The following ELSPBP1 variants were observed in gnomAD, a reference collection of about 807,000 sequenced individuals.
ELSPBP1 encodes the protein epididymal sperm-binding protein 1.
A neutral mutation model predicts 33.3 loss-of-function variants in ELSPBP1; 38 were observed. The observed-to-expected ratio is 1.14, with a 90% CI of 0.88 to 1.50. ELSPBP1 has a LOEUF of 1.50. Ranked by LOEUF, ELSPBP1 falls within the 40% of genes most tolerant of loss-of-function variation. ELSPBP1 has a pLI of 0.00. For synonymous variants in ELSPBP1, 85 were observed against 94.1 expected (o/e 0.90, Z 0.56); for missense variants, 267 against 263.5 (o/e 1.01, Z -0.09).
At chr19:48,006,009 G>A (rs1967013618) in intron 1 of ELSPBP1, among the ~76,000 whole-genome samples, 1 of 152,126 alleles carries the variant, frequency 6.6e-6, no homozygotes, top group Non-Finnish European at 1.5e-5. Flanking sequence ...CGCCCAGGCT[G>A]GAGTGCAGTG....
rs1967180434 is a variant in ELSPBP1, at chr19:48,019,828, C to G, written c.465C>G (p.Thr155=). The part of the protein sequence containing the change: ...EDESNKLWCP[T]TENMDKDGKW... The stretch of plus-strand genomic sequence containing the variant: ...AAAGCAACAAGCTCTGGTGCCCAAC[C>G]ACAGAGAACATGGATAAGGATGGAA... The change falls in exon 5 of 7, where the codon ACC becomes ACG. Residue 155 remains threonine, a synonymous_variant. Coordinates refer to ENST00000339841, the MANE Select transcript of ELSPBP1 (RefSeq NM_022142.5). 1 of 1,612,062 alleles carries G rather than the reference C, an allele frequency of 6.2e-7. No individual in the cohort carries two copies. The highest frequency in any genetic ancestry group is 8.5e-7 in the Non-Finnish European group (1 of 1,178,818).
chr19:48,022,334 G>A lies in ELSPBP1; in HGVS notation c.*7G>A, dbSNP rs754644214. Reference sequence around the variant, plus strand: ...CACCTGGGTGTATTGCTGATGCTGAGGTGAGAGCAGGGACCAACAGTGGTC... The same window carrying A: ...CACCTGGGTGTATTGCTGATGCTGAAGTGAGAGCAGGGACCAACAGTGGTC... On this transcript the variant is annotated splice_region_variant and 3_prime_UTR_variant, in exon 6 of 7. Coordinates refer to ENST00000339841, the MANE Select transcript of ELSPBP1 (RefSeq NM_022142.5). 77 of 1,606,824 alleles carry A rather than the reference G, an allele frequency of 4.8e-5. No homozygotes were observed. Among genetic ancestry groups the A allele is most frequent in the Non-Finnish European group, 6.5e-5 (76 of 1,176,956 alleles).
In ELSPBP1 at chr19:48,008,596, A is replaced by G. The variant is rs1417909137; in HGVS notation, c.-17-55A>G. ...ATGTATGACGTCAAATCTAGGAGGT[A>G]ATGGGAAGAGGAAGGGGACGTGTGG... On this transcript the variant is annotated intron_variant, in intron 1 of 6. Coordinates refer to ENST00000339841, the MANE Select transcript of ELSPBP1 (RefSeq NM_022142.5). 4.8e-6 allele frequency: 6 copies of G among 1,237,416 alleles called. No individual in the cohort carries two copies. In the African/African-American group the frequency reaches 7.4e-5, roughly 15 times the overall value. 76.7% of individuals were successfully genotyped at this position (1,237,416 alleles called of 1,614,324 possible).
At chr19:48,019,554 A>G (rs1967176106) in intron 4 of ELSPBP1, among the ~76,000 whole-genome samples, 165 bp from the exon 5 acceptor site, 1 of 152,192 alleles carries the variant, frequency 6.6e-6, no homozygotes, top group South Asian at 2.1e-4. Flanking sequence ...TTTGGTTCTC[A>G]CTTATCCGTA....
At position 48,011,359 on chromosome 19, in the gene ELSPBP1, T is replaced by C. The variant is rs1967076436; in HGVS notation, c.70+2622T>C. ...ATGATGATGACAATTATGACGATGA[T>C]GATGATGATGGTGACAATGATGATG... On this transcript the variant is annotated intron_variant, in intron 2 of 6. Coordinates refer to ENST00000339841, the MANE Select transcript of ELSPBP1 (RefSeq NM_022142.5). The surrounding 1 kb of genome is among the most constrained non-coding windows in gnomAD (Gnocchi z 4.5). Among the ~76,000 whole-genome samples, 1 of 151,482 alleles carries C rather than the reference T, an allele frequency of 6.6e-6. No individual in the cohort carries two copies. The highest frequency in any genetic ancestry group is 1.5e-5 in the Non-Finnish European group (1 of 67,882).
At chr19:48,019,254 A>G (rs1246484770) in intron 4 of ELSPBP1, among the ~76,000 whole-genome samples, 1 of 152,108 alleles carries the variant, frequency 6.6e-6, no homozygotes, top group Admixed American at 6.6e-5. Flanking sequence ...GGGGGATGTG[A>G]TTTGGATTGT....
intron 1 of ELSPBP1, among the ~76,000 whole-genome samples, chr19:48,002,513 G>A (rs538650767): frequency 9.2e-4 from 140 of 152,144 alleles, no homozygotes; most frequent in Non-Finnish European, 1.6e-3. Context: ...CGCTTGGGCC[G>A]GGCGCAGTGG....
intron 5 of ELSPBP1, among the ~76,000 whole-genome samples, chr19:48,020,820 T>TGGAAA (rs1166351294): frequency 6.6e-6 from 1 of 151,524 alleles, no homozygotes; most frequent in Non-Finnish European, 1.5e-5. Context: ...CAAGACCCAG[T>TGGAAA]GGAAAGGAAA....
At chr19:48,000,735 A>G (rs1366494640) in intron 1 of ELSPBP1, among the ~76,000 whole-genome samples, 1 of 152,214 alleles carries the variant, frequency 6.6e-6, no homozygotes, top group African/African-American at 2.4e-5. Flanking sequence ...GGAGCCACAC[A>G]GCTGGCTTGA....
At chr19:48,003,289 G>A (rs564058123) in intron 1 of ELSPBP1, among the ~76,000 whole-genome samples, 2 of 152,178 alleles carry the variant, frequency 1.3e-5, no homozygotes, top group African/African-American at 4.8e-5. Flanking sequence ...CCAATTCTTC[G>A]AATTTGCACA....
intron 4 of ELSPBP1, among the ~76,000 whole-genome samples, chr19:48,019,391 T>A (rs1967174169): frequency 6.6e-6 from 1 of 152,156 alleles, no homozygotes; most frequent in Non-Finnish European, 1.5e-5. Context: ...GTAACTAGCT[T>A]TTCTGGAGGC....
intron 1 of ELSPBP1, among the ~76,000 whole-genome samples, chr19:48,002,008 C>A (rs1202120006): frequency 6.6e-6 from 1 of 152,128 alleles, no homozygotes; most frequent in African/African-American, 2.4e-5. Context: ...GCAAAATCCA[C>A]TGTGCCATGC....
chr19:48,003,911 ATTCTATTCTATTCTATTC>A (rs1424327511), intron 1 of ELSPBP1, among the ~76,000 whole-genome samples: 42 of 111,400 alleles, frequency 3.8e-4, no homozygotes, highest in Admixed American at 1.8e-3. Flanking sequence ...ATTCTATTCT[ATTCTATTCTATTCTATTC>A]TATTCTATTC....
At position 48,011,576 on chromosome 19, in the gene ELSPBP1, CATG is replaced by C. The variant is rs1967079972; in HGVS notation, c.71-2592_71-2590del. Among the ~76,000 whole-genome samples the C allele has an allele frequency of 1.3e-5, 2 of 150,400 alleles. No individual in the cohort carries two copies. Among genetic ancestry groups the C allele is most frequent in the South Asian group, 4.2e-4 (2 of 4,722 alleles). ...ATGATGACAATGATGATCATCATCACATGATAATGACAATAATGAGGTGGATTA... is the reference window on the plus strand; with the variant it reads ...ATGATGACAATGATGATCATCATCACATAATGACAATAATGAGGTGGATTA... On this transcript the variant is annotated intron_variant, in intron 2 of 6. Transcript: ENST00000339841. This position sits in a 1 kb window ranked among gnomAD's most constrained non-coding sequence, Gnocchi z 4.5.
chr19:47,996,622 AATGGGTGGAAGGATAC>A (rs1156595878), intron 1 of ELSPBP1, among the ~76,000 whole-genome samples: 1 of 151,720 alleles, frequency 6.6e-6, no homozygotes, highest in Non-Finnish European at 1.5e-5. Flanking sequence ...TGGATGTAAG[AATGGGTGGAAGGATAC>A]ATGGGTGGAT....
chr19:48,012,319 G>A lies in ELSPBP1; in HGVS notation c.71-1852G>A, dbSNP rs561614120. Among the ~76,000 whole-genome samples the A allele has an allele frequency of 5.3e-5, 8 of 151,978 alleles. 1 individual carries two copies. Among genetic ancestry groups the A allele is most frequent in the African/African-American group, 1.9e-4 (8 of 41,458 alleles). On this transcript the variant is annotated intron_variant, in intron 2 of 6. Coordinates refer to ENST00000339841, the MANE Select transcript of ELSPBP1 (RefSeq NM_022142.5). ...TGTTTGTTTGTTTTTTTGTAGAGAT[G>A]GGGGTCTCACTTTGTTGCTCAGGCG...
intron 1 of ELSPBP1, among the ~76,000 whole-genome samples, chr19:48,007,267 CT>C (rs1443282489): frequency 5.9e-5 from 9 of 152,094 alleles, no homozygotes; most frequent in African/African-American, 2.2e-4. Flanking sequence ...TTTACGTTGC[CT>C]AAGAACTCTG....
chr19:48,014,546 G>C (rs529971791), intron 3 of ELSPBP1, among the ~76,000 whole-genome samples: 10 of 123,700 alleles, frequency 8.1e-5, no homozygotes, highest in Non-Finnish European at 1.2e-4. Context: ...CGGGGGGAGG[G>C]ATAGCATTAG....
intron 1 of ELSPBP1, among the ~76,000 whole-genome samples, chr19:47,996,150 G>A (rs935836097): frequency 2.8e-4 from 42 of 152,176 alleles, no homozygotes; most frequent in African/African-American, 9.4e-4. Flanking sequence ...GATGGGTGGT[G>A]GATTGAAGGA....
Sources: allele counts gnomAD v4.1 joint callset (sites outside exome capture counted in the v4.1 genomes callset), GRCh38; gene constraint gnomAD v4.1.1; non-coding constraint Gnocchi (gnomAD v3.1); transcripts MANE v1.5; gene names NCBI Gene and HGNC (gene_info 2026-07-23, HGNC 2026-07-21).